ATP6V1E1: variants seen among roughly 807,000 people sequenced by gnomAD.
The protein encoded by ATP6V1E1 is ATPase H+ transporting V1 subunit E1.
In ATP6V1E1, 21 loss-of-function variants were observed where a neutral mutation model predicts 35.2. The observed-to-expected ratio is 0.60, with a 90% confidence interval of 0.42 to 0.86. The LOEUF is 0.86. Among genes scored for constraint, ATP6V1E1 ranks in the 40% least tolerant of loss-of-function variants. ATP6V1E1 has a pLI of 0.00. For synonymous variants in ATP6V1E1, 83 were observed against 87.8 expected (o/e 0.95, Z 0.30); for missense variants, 183 against 272.6 (o/e 0.67, Z 2.32).
intron 1 of ATP6V1E1, among the ~76,000 whole-genome samples, chr22:17,625,078 A>C (rs958547761): frequency 4.6e-5 from 7 of 152,132 alleles, no homozygotes; most frequent in African/African-American, 1.7e-4. Context: ...GTTTAAAAAA[A>C]CCCTTTGGTT....
chr22:17,616,262 T>C (rs12163144), intron 2 of ATP6V1E1, among the ~76,000 whole-genome samples: 52,823 of 151,904 alleles, frequency 0.35, 9,498 homozygotes, highest in African/African-American at 0.41. Context: ...GCAAGAGAAT[T>C]GCTTGAACCC....
intron 7 of ATP6V1E1, chr22:17,594,817 T>A: frequency 4.9e-6 from 2 of 406,952 alleles, no homozygotes; most frequent in Non-Finnish European, 8.8e-6. Flanking sequence ...CGCCTAGATG[T>A]CCATTATATG....
chr22:17,601,251 T>G, intron 4 of ATP6V1E1, 70 bp from the exon 5 acceptor site: 1 of 1,253,518 alleles, frequency 8.0e-7, no homozygotes, highest in South Asian at 1.3e-5. Context: ...ACTGTGAGGC[T>G]GATCCTGGCT....
intron 1 of ATP6V1E1, among the ~76,000 whole-genome samples, chr22:17,621,855 G>A (rs1267891976): frequency 6.6e-6 from 1 of 152,038 alleles, no homozygotes; most frequent in East Asian, 1.9e-4. Context: ...CTCTATCACG[G>A]CACCTAAACT....
At chr22:17,623,318 G>A (rs2057887486) in intron 1 of ATP6V1E1, among the ~76,000 whole-genome samples, 1 of 152,170 alleles carries the variant, frequency 6.6e-6, no homozygotes, top group Non-Finnish European at 1.5e-5. Context: ...AGTATGGAGA[G>A]GGGTCATGGT....
At chr22:17,606,381 G>T (rs2057787054) in intron 4 of ATP6V1E1, among the ~76,000 whole-genome samples, 1 of 152,102 alleles carries the variant, frequency 6.6e-6, no homozygotes, top group Admixed American at 6.6e-5. Flanking sequence ...TATGCAGATT[G>T]AATCCTGTTT....
At chr22:17,594,075 G>A (rs2057718884) in intron 8 of ATP6V1E1, among the ~76,000 whole-genome samples, 1 of 152,118 alleles carries the variant, frequency 6.6e-6, no homozygotes, top group South Asian at 2.1e-4. Flanking sequence ...GGTGGCAGGT[G>A]CCTGTAATCC....
At chr22:17,598,035 G>A (rs1489166581) in intron 7 of ATP6V1E1, 159 bp downstream of exon 7, 42 of 630,026 alleles carry the variant, frequency 6.7e-5, no homozygotes, top group South Asian at 1.8e-4. Flanking sequence ...AGAGCACTGC[G>A]AGAACAACAG....
At position 17,597,826 on chromosome 22, in the gene ATP6V1E1, G is replaced by A. The variant is rs188955255; in HGVS notation, c.530+368C>T. Among the ~76,000 whole-genome samples the A allele has an allele frequency of 2.7e-5, 4 of 150,754 alleles. No individual in the cohort carries two copies. The East Asian group carries it at 7.7e-4, about 29-fold the overall frequency. On this transcript the variant is annotated intron_variant, in intron 7 of 8. Transcript: ENST00000253413. ...TTGTATTTTTAGTAGAGACAGGACTGGACTATGAGCAGAGGGTGGACTGGT... is the reference window on the plus strand; with the variant it reads ...TTGTATTTTTAGTAGAGACAGGACTAGACTATGAGCAGAGGGTGGACTGGT...
chr22:17,625,726 AAAAATC>A (rs776237378), intron 1 of ATP6V1E1, among the ~76,000 whole-genome samples: 8 of 152,212 alleles, frequency 5.3e-5, no homozygotes, highest in Non-Finnish European at 1.2e-4. Context: ...TCCTTCTCTG[AAAAATC>A]TATCGGCAAT....
At position 17,628,677 on chromosome 22, in the gene ATP6V1E1, T is replaced by G. The variant is rs774692526; in HGVS notation, c.-42A>C. On this transcript the variant is annotated 5_prime_UTR_variant, in exon 1 of 9. Transcript: ENST00000253413. ...GGCCGGTGAACAGTAGGCTCGAGTT[T>G]AGGTTTGAAAGGTGAGGTGAGAGAA... is the stretch of plus-strand genomic sequence containing the variant. The G allele has an allele frequency of 1.9e-6, 3 of 1,613,692 alleles. No homozygotes were observed. Among genetic ancestry groups the G allele is most frequent in the African/African-American group, 2.7e-5 (2 of 74,912 alleles).
At chr22:17,596,395 G>C (rs901011564) in intron 7 of ATP6V1E1, among the ~76,000 whole-genome samples, 1 of 152,140 alleles carries the variant, frequency 6.6e-6, no homozygotes, top group Non-Finnish European at 1.5e-5. Flanking sequence ...TGTGAGCAGA[G>C]GGTGGGCTGG....
intron 2 of ATP6V1E1, among the ~76,000 whole-genome samples, chr22:17,617,441 G>A (rs1349471829): frequency 6.6e-6 from 1 of 151,918 alleles, no homozygotes; most frequent in African/African-American, 2.4e-5. Context: ...CTGCAGGCGT[G>A]CACCACCACA....
chr22:17,594,835 G>A (rs541702809), intron 7 of ATP6V1E1: 53 of 348,850 alleles, frequency 1.5e-4, no homozygotes, highest in South Asian at 1.0e-3. Flanking sequence ...ATGAAACAGC[G>A]TAGTATTTGC....
At chr22:17,599,715 T>C (rs1049686047) in intron 6 of ATP6V1E1, among the ~76,000 whole-genome samples, 1 of 148,256 alleles carries the variant, frequency 6.7e-6, no homozygotes, top group Non-Finnish European at 1.5e-5. Flanking sequence ...AGGTCAGGAG[T>C]TCGAGACCAG....
At chr22:17,618,785 A>T (rs2057859806) in intron 2 of ATP6V1E1, among the ~76,000 whole-genome samples, 1 of 151,094 alleles carries the variant, frequency 6.6e-6, no homozygotes, top group African/African-American at 2.4e-5. Flanking sequence ...GGATCATCTG[A>T]GGTCAGGAGT....
chr22:17,600,730 C>T (rs748485426), intron 5 of ATP6V1E1: 2 of 163,308 alleles, frequency 1.2e-5, no homozygotes, highest in Non-Finnish European at 2.6e-5. Flanking sequence ...ACAATTAAAA[C>T]ATATACAGTG....
At position 17,597,966 on chromosome 22, in the gene ATP6V1E1, C is replaced by T. The variant is rs74276486; in HGVS notation, c.530+228G>A. Reference sequence around the variant, plus strand: ...TGTTGGGATTACAGGCGTGAGCCACCGCACCTGGCCAAACTAGACTTTTAG... The same window carrying T: ...TGTTGGGATTACAGGCGTGAGCCACTGCACCTGGCCAAACTAGACTTTTAG... On this transcript the variant is annotated intron_variant, in intron 7 of 8. Coordinates refer to ENST00000253413, the MANE Select transcript of ATP6V1E1 (RefSeq NM_001696.4). 0.077 allele frequency: 38,602 copies of T among 500,640 alleles called. 3,191 individuals carry two copies. Among genetic ancestry groups the T allele is most frequent in the African/African-American group, 0.31 (16,034 of 51,238 alleles). The allele number at this position is 500,640 out of a possible 1,614,324, so 31.0% of individuals were successfully genotyped here. A position where few individuals can be genotyped will look rare whatever the true frequency, so the allele number is the denominator to read the frequency against.
chr22:17,602,191 G>A (rs1394561360), intron 4 of ATP6V1E1, among the ~76,000 whole-genome samples: 2 of 152,132 alleles, frequency 1.3e-5, no homozygotes, highest in Non-Finnish European at 2.9e-5. Context: ...ACAGGAGTGT[G>A]CCAACATATC....
Sources: gnomAD v4.1 joint callset for allele counts (sites outside exome capture counted in the v4.1 genomes callset) on GRCh38, gnomAD v4.1.1 for gene constraint, MANE v1.5 for transcripts, NCBI Gene and HGNC (gene_info 2026-07-23, HGNC 2026-07-21) for gene names.